SLC9A8: variants seen among roughly 807,000 people sequenced by gnomAD.
The protein encoded by SLC9A8 is sodium/hydrogen exchanger 8.
Under a neutral mutation model 66.6 loss-of-function variants are expected in SLC9A8, and 48 were observed. That is an observed-to-expected ratio of 0.72 (90% CI 0.57 to 0.92). The LOEUF (loss-of-function observed/expected upper bound fraction) is 0.92. Ranked by LOEUF, SLC9A8 falls within the 40% of genes least tolerant of loss-of-function variation. SLC9A8 has a pLI of 0.00. For missense variants in SLC9A8, 599 were observed against 747.3 expected (o/e 0.80, Z 2.31); for synonymous variants, 274 against 282.6 (o/e 0.97, Z 0.31).
intron 14 of SLC9A8, among the ~76,000 whole-genome samples, chr20:49,884,600 A>G (rs528003704): frequency 4.1e-4 from 62 of 152,208 alleles, no homozygotes; most frequent in African/African-American, 1.1e-3. Flanking sequence ...GTCATTCCCC[A>G]GTATGGTTTT....
At chr20:49,849,726 G>A (rs773936042) in intron 6 of SLC9A8, 46 bp downstream of exon 6, 1 of 1,462,428 alleles carries the variant, frequency 6.8e-7, no homozygotes, top group East Asian at 2.3e-5. Context: ...TACATTCTTA[G>A]AGCTAGTGCA....
chr20:49,884,337 C>CACACACACACACACACACA (rs1555848454), intron 14 of SLC9A8, among the ~76,000 whole-genome samples: 26 of 72,316 alleles, frequency 3.6e-4, no homozygotes, highest in Admixed American at 9.8e-4. Context: ...CACACACACA[C>CACACACACACACACACACA]CCCCCGGTCA....
intron 8 of SLC9A8, among the ~76,000 whole-genome samples, chr20:49,858,323 T>C (rs1210236084): frequency 4.0e-5 from 6 of 151,204 alleles, no homozygotes; most frequent in Non-Finnish European, 8.8e-5. Flanking sequence ...CCAATGGCAG[T>C]ATTTTTTCTT....
At chr20:49,885,727 C>A (rs1348364101) in intron 14 of SLC9A8, among the ~76,000 whole-genome samples, 1 of 152,210 alleles carries the variant, frequency 6.6e-6, no homozygotes, top group East Asian at 1.9e-4. Context: ...CAGATTGTCC[C>A]CATAGCCTGC....
Position 49,812,922 on chromosome 20 carries a change from G to T in SLC9A8, c.-1G>T. On this transcript the variant is annotated 5_prime_UTR_variant, in exon 1 of 16. Transcript: ENST00000361573. ...CTCGGTGGTCCTGGAAGCTCCGCAG[G>T]ATGGGGGAGAAGATGGCGGAAGAGG... 6.7e-7 allele frequency: 1 copy of T among 1,486,456 alleles called. No individual in the cohort carries two copies. Among genetic ancestry groups the T allele is most frequent in the Non-Finnish European group, 8.9e-7 (1 of 1,119,450 alleles). The allele number at this position is 1,486,456 out of a possible 1,614,324, so 92.1% of individuals were successfully genotyped here.
At chr20:49,829,730 C>T (rs1375862791) in intron 3 of SLC9A8, 5 of 509,956 alleles carry the variant, frequency 9.8e-6, no homozygotes, top group South Asian at 1.6e-5. Flanking sequence ...AAAGATCAGA[C>T]GTCATCCCAC....
intron 13 of SLC9A8, among the ~76,000 whole-genome samples, chr20:49,883,256 A>G (rs532382785): frequency 2.0e-4 from 30 of 151,928 alleles, no homozygotes; most frequent in African/African-American, 7.2e-4. Flanking sequence ...ATTACCACCT[A>G]AGCAGCCCAC....
At chr20:49,817,098 C>T (rs1600621326) in intron 2 of SLC9A8, among the ~76,000 whole-genome samples, 1 of 150,188 alleles carries the variant, frequency 6.7e-6, no homozygotes, top group East Asian at 2.1e-4. Context: ...CGTGGATCAT[C>T]TAAGGTCAGG....
rs1453093122 is a variant in SLC9A8 at position 49,812,940 on chromosome 20, G to A, written c.18G>A (p.Ala6=). The change falls in exon 1 of 16, where the codon GCG becomes GCA. Residue 6 remains alanine, a synonymous_variant. Coordinates refer to ENST00000361573, the MANE Select transcript of SLC9A8 (RefSeq NM_015266.3). ...TCCGCAGGATGGGGGAGAAGATGGCGGAAGAGGAGTGAGTGGGCTTTTTCC... is the reference window on the plus strand; with the variant it reads ...TCCGCAGGATGGGGGAGAAGATGGCAGAAGAGGAGTGAGTGGGCTTTTTCC... MGEKM[A]EEERFPNTTH... 1.0e-5 allele frequency: 15 copies of A among 1,463,008 alleles called. No homozygotes were observed. In the Admixed American group the frequency reaches 1.6e-4, roughly 15 times the overall value. 90.6% of individuals were successfully genotyped at this position (1,463,008 alleles called of 1,614,324 possible). A position where few individuals can be genotyped will look rare whatever the true frequency, so the allele number is the denominator to read the frequency against.
rs1433602032 is a variant in SLC9A8 at position 49,863,012 on chromosome 20, A to C, written c.797A>C (p.Lys266Thr). The change falls in exon 9 of 16, where the codon AAA (lysine) becomes ACA (threonine). Residue 266 changes from lysine (K) to threonine (T), a missense_variant. Lys to Thr is a moderately conservative substitution (Grantham distance 78, BLOSUM62 -1). This residue lies in a region of SLC9A8 where 467 missense variants were observed against 626.5 expected (regional missense o/e 0.75). Coordinates refer to ENST00000361573, the MANE Select transcript of SLC9A8 (RefSeq NM_015266.3). ...TTACAAGCCCTTGACTACTTCCTCAAAATGTTCTTTGGCTCTGCAGCGCTC... is the reference window on the plus strand; with the variant it reads ...TTACAAGCCCTTGACTACTTCCTCACAATGTTCTTTGGCTCTGCAGCGCTC... ...TFLQALDYFL[K>T]MFFGSAALGT... 1.2e-6 allele frequency: 2 copies of C among 1,614,022 alleles called. No homozygotes were observed. The highest frequency in any genetic ancestry group is 1.7e-6 in the Non-Finnish European group (2 of 1,179,928).
chr20:49,881,096 G>A (rs2089611462), intron 13 of SLC9A8, 61 bp downstream of exon 13: 2 of 1,208,072 alleles, frequency 1.7e-6, no homozygotes, highest in Non-Finnish European at 2.5e-6. Context: ...GCCCCATACA[G>A]GGAGAGCTGT....
chr20:49,887,574 C>CT (rs1432925303), intron 15 of SLC9A8, among the ~76,000 whole-genome samples: 2 of 152,176 alleles, frequency 1.3e-5, no homozygotes, highest in East Asian at 3.8e-4. Flanking sequence ...CTAACTGTGT[C>CT]TGACTCCAGA....
chr20:49,868,068 C>A (rs912073699), intron 10 of SLC9A8, among the ~76,000 whole-genome samples: 11 of 152,220 alleles, frequency 7.2e-5, no homozygotes, highest in African/African-American at 2.7e-4. Flanking sequence ...AAAAACGTTA[C>A]CTGTGAGTCA....
rs138005499 is a variant in SLC9A8 at position 49,815,019 on chromosome 20, A to G, written c.38A>G (p.Asn13Ser). The change falls in exon 2 of 16, where the codon AAT (asparagine) becomes AGT (serine). Residue 13 changes from asparagine (N) to serine (S), a missense_variant. This residue lies in a region of SLC9A8 where 132 missense variants were observed against 120.9 expected (regional missense o/e 1.09). Transcript: ENST00000361573. ...EKMAEEERFP[N>S]TTHEGFNVTL... ...TCTATGTCCTCCAGGAGGTTCCCCA[A>G]TACAACTCATGAGGGTTTCAATGTC... The G allele has an allele frequency of 7.7e-5, 122 of 1,579,146 alleles. No homozygotes were observed. The highest frequency in any genetic ancestry group is 3.7e-4 in the African/African-American group (27 of 73,616).
In SLC9A8 at chr20:49,855,567, C is replaced by G. The variant is rs1260350033; in HGVS notation, c.699C>G (p.Ser233=). The change falls in exon 8 of 16, where the codon TCC becomes TCG. Residue 233 remains serine (S), a synonymous_variant. Coordinates refer to ENST00000361573, the MANE Select transcript of SLC9A8 (RefSeq NM_015266.3). ...AAAGTATTCTCAACGATGCAGTCTC[C>G]ATTGTTCTGACCAAGTAAGTACGGG... ...FGESILNDAV[S]IVLTNTAEGL... is the part of the protein sequence containing the mutation. 1.6e-5 allele frequency: 26 copies of G among 1,614,062 alleles called. No individual in the cohort carries two copies. Among genetic ancestry groups the G allele is most frequent in the African/African-American group, 4.0e-5 (3 of 74,938 alleles).
chr20:49,862,414 A>C (rs2088780749), intron 8 of SLC9A8, among the ~76,000 whole-genome samples: 1 of 152,010 alleles, frequency 6.6e-6, no homozygotes, highest in Admixed American at 6.6e-5. Flanking sequence ...GGCGTGCACC[A>C]CCACACCCAG....
At chr20:49,881,757 A>G (rs1299818254) in intron 13 of SLC9A8, among the ~76,000 whole-genome samples, 1 of 152,180 alleles carries the variant, frequency 6.6e-6, no homozygotes, top group Non-Finnish European at 1.5e-5. Flanking sequence ...TATATGTTTC[A>G]TATATATGTA....
chr20:49,825,469 C>T (rs1039109828), intron 3 of SLC9A8, among the ~76,000 whole-genome samples: 1 of 152,114 alleles, frequency 6.6e-6, no homozygotes, highest in African/African-American at 2.4e-5. Flanking sequence ...GGTGAAACCC[C>T]TGTCTCTACT....
chr20:49,817,063 C>G (rs1401482644), intron 2 of SLC9A8, among the ~76,000 whole-genome samples: 1 of 150,236 alleles, frequency 6.7e-6, no homozygotes, highest in African/African-American at 2.4e-5. Flanking sequence ...CGCCGTGGCT[C>G]ACACCTATAA....
Sources: allele counts gnomAD v4.1 joint callset (sites outside exome capture counted in the v4.1 genomes callset), GRCh38; gene constraint gnomAD v4.1.1; regional missense constraint gnomAD v4.1.1; transcripts MANE v1.5; gene names NCBI Gene and HGNC (gene_info 2026-07-23, HGNC 2026-07-21).